CYP7B1: variants seen among roughly 807,000 people sequenced by gnomAD.
CYP7B1 encodes the protein cytochrome P450 7B1.
CYP7B1 carries 29 observed loss-of-function variants against 42.7 expected under a neutral mutation model. The observed-to-expected ratio is 0.68, with a 90% CI of 0.51 to 0.93. CYP7B1 has a LOEUF of 0.93. CYP7B1 is among the 40% of genes least tolerant of loss of function. The pLI is 0.00. For synonymous variants in CYP7B1, 235 were observed against 218.2 expected, an observed-to-expected ratio of 1.08 and a Z score of -0.68; for missense variants, 655 against 600.5, an observed-to-expected ratio of 1.09 and a Z score of -0.95.
intron 1 of CYP7B1, among the ~76,000 whole-genome samples, chr8:64,773,936 G>A (rs1009598117): frequency 6.6e-6 from 1 of 152,192 alleles, no homozygotes; most frequent in South Asian, 2.1e-4. Context: ...GTCCATTCAT[G>A]AGGACAGATG....
intron 1 of CYP7B1, among the ~76,000 whole-genome samples, chr8:64,657,102 T>C (rs1806131782): frequency 6.6e-6 from 1 of 151,284 alleles, no homozygotes. Flanking sequence ...GACAAAATAG[T>C]GTGAGATCCC....
At chr8:64,689,993 C>T (rs1185876392) in intron 1 of CYP7B1, among the ~76,000 whole-genome samples, 2 of 152,134 alleles carry the variant, frequency 1.3e-5, no homozygotes, top group Non-Finnish European at 2.9e-5. Flanking sequence ...TGATGTAATA[C>T]TCTTTTCCTA....
At chr8:64,668,034 G>GAATA (rs1358177887) in intron 1 of CYP7B1, among the ~76,000 whole-genome samples, 3 of 152,168 alleles carry the variant, frequency 2.0e-5, no homozygotes, top group African/African-American at 7.2e-5. Context: ...TACAGCGTAG[G>GAATA]AATAGTTTCA....
At chr8:64,611,791 A>G (rs1805367744) in intron 4 of CYP7B1, among the ~76,000 whole-genome samples, 1 of 152,102 alleles carries the variant, frequency 6.6e-6, no homozygotes, top group Non-Finnish European at 1.5e-5. Context: ...GACTTTCCAG[A>G]GTATGTTTGC....
intron 5 of CYP7B1, among the ~76,000 whole-genome samples, chr8:64,603,908 CAA>C (rs1256279493): frequency 6.6e-6 from 1 of 152,196 alleles, no homozygotes; most frequent in Non-Finnish European, 1.5e-5. Context: ...AAAAGAGCAG[CAA>C]AGTTTCCCTT....
chr8:64,655,430 T>A (rs1314008600), intron 1 of CYP7B1, among the ~76,000 whole-genome samples: 4 of 152,086 alleles, frequency 2.6e-5, no homozygotes, highest in Admixed American at 6.5e-5. Context: ...AAGCTCAATA[T>A]CACTGATCGT....
At chr8:64,640,813 C>T (rs529296750) in intron 1 of CYP7B1, among the ~76,000 whole-genome samples, 3 of 152,206 alleles carry the variant, frequency 2.0e-5, no homozygotes, top group Non-Finnish European at 2.9e-5. Context: ...GTCATGGTTA[C>T]GGGAATTCTG....
chr8:64,665,575 T>C (rs1563382358), intron 1 of CYP7B1, among the ~76,000 whole-genome samples: 3 of 117,188 alleles, frequency 2.6e-5, no homozygotes, highest in Non-Finnish European at 5.3e-5. Flanking sequence ...TTTTTTTTTT[T>C]TTTTTTTTTT....
At chr8:64,704,968 G>A (rs1236135693) in intron 1 of CYP7B1, among the ~76,000 whole-genome samples, 1 of 151,918 alleles carries the variant, frequency 6.6e-6, no homozygotes, top group Admixed American at 6.6e-5. Context: ...GATGTGTTTA[G>A]ACATTATCTC....
At chr8:64,609,825 C>T (rs1230160753) in intron 4 of CYP7B1, among the ~76,000 whole-genome samples, 2 of 152,106 alleles carry the variant, frequency 1.3e-5, no homozygotes, top group East Asian at 1.9e-4. Context: ...AAAATAAATG[C>T]CCCATTCCAG....
At chr8:64,704,538 T>C (rs1294224542) in intron 1 of CYP7B1, among the ~76,000 whole-genome samples, 1 of 152,110 alleles carries the variant, frequency 6.6e-6, no homozygotes, top group African/African-American at 2.4e-5. Context: ...CTTATTTCAT[T>C]GATTCTAAGA....
At chr8:64,641,429 A>G (rs1805854429) in intron 1 of CYP7B1, among the ~76,000 whole-genome samples, 1 of 152,180 alleles carries the variant, frequency 6.6e-6, no homozygotes, top group African/African-American at 2.4e-5. Flanking sequence ...GAGTCTCAGA[A>G]GGTTTTAAAG....
intron 1 of CYP7B1, among the ~76,000 whole-genome samples, chr8:64,645,004 T>C (rs949894077): frequency 6.7e-6 from 1 of 150,228 alleles, no homozygotes; most frequent in African/African-American, 2.4e-5. Flanking sequence ...AGTGAGAACA[T>C]GTGGTGTTTG....
intron 1 of CYP7B1, among the ~76,000 whole-genome samples, chr8:64,690,075 T>C (rs1027123123): frequency 2.6e-5 from 4 of 152,196 alleles, no homozygotes; most frequent in Non-Finnish European, 5.9e-5. Flanking sequence ...CATTTCCCCA[T>C]GTTTATGATC....
At chr8:64,717,696 T>C (rs1438322229) in intron 1 of CYP7B1, among the ~76,000 whole-genome samples, 1 of 151,804 alleles carries the variant, frequency 6.6e-6, no homozygotes, top group East Asian at 1.9e-4. Context: ...CTACAAAAAA[T>C]ACAAAAATTA....
intron 2 of CYP7B1, among the ~76,000 whole-genome samples, chr8:64,619,989 C>T (rs1411318849): frequency 1.3e-5 from 2 of 151,952 alleles, no homozygotes; most frequent in African/African-American, 4.8e-5. Flanking sequence ...CAAGACCAAC[C>T]TGGGCAACAT....
At chr8:64,614,740 G>A (rs1204109411) in intron 4 of CYP7B1, among the ~76,000 whole-genome samples, 3 of 152,146 alleles carry the variant, frequency 2.0e-5, no homozygotes, top group African/African-American at 7.2e-5. Context: ...ATCAACAGAT[G>A]CTCAGAATCA....
chr8:64,599,335 C>T (rs1805165302), intron 5 of CYP7B1, among the ~76,000 whole-genome samples: 1 of 151,900 alleles, frequency 6.6e-6, no homozygotes, highest in Non-Finnish European at 1.5e-5. Context: ...ACTACAGGCG[C>T]CCACCACCAC....
At chr8:64,597,678 G>A (rs1005540316) in intron 5 of CYP7B1, among the ~76,000 whole-genome samples, 1 of 152,130 alleles carries the variant, frequency 6.6e-6, no homozygotes, top group Admixed American at 6.5e-5. Flanking sequence ...CTAGAGTGTT[G>A]GGCCTGCCAT....
Sources: allele counts gnomAD v4.1 joint callset (sites outside exome capture counted in the v4.1 genomes callset), GRCh38; gene constraint gnomAD v4.1.1; transcripts MANE v1.5; gene names NCBI Gene and HGNC (gene_info 2026-07-23, HGNC 2026-07-21).